RNF150: variants seen among roughly 807,000 people sequenced by gnomAD.
RNF150 encodes ring finger protein 150.
In RNF150, 24 loss-of-function variants were observed where a neutral mutation model predicts 39.3. The ratio of observed to expected loss-of-function variants is 0.61; its 90% confidence interval spans 0.44 to 0.86. The LOEUF (loss-of-function observed/expected upper bound fraction) is 0.86. Ranked by LOEUF, RNF150 falls within the 40% of genes least tolerant of loss-of-function variation. RNF150 has a pLI of 0.00. For synonymous variants in RNF150, 255 were observed against 227.3 expected, an observed-to-expected ratio of 1.12 and a Z score of -1.10; for missense variants, 502 against 587.8, an observed-to-expected ratio of 0.85 and a Z score of 1.51.
chr4:141,035,362 A>G (rs1736100622), intron 1 of RNF150, among the ~76,000 whole-genome samples: 1 of 152,194 alleles, frequency 6.6e-6, no homozygotes. Flanking sequence ...TCACCTTCAC[A>G]GCCTTCAACA....
intron 4 of RNF150, among the ~76,000 whole-genome samples, chr4:140,926,500 CATTAATA>C (rs1443544061): frequency 2.0e-5 from 3 of 152,066 alleles, no homozygotes; most frequent in Non-Finnish European, 4.4e-5. Flanking sequence ...GGCTGATTTC[CATTAATA>C]TTTGGGATCT....
At chr4:141,163,818 C>A (rs772527275) in intron 1 of RNF150, among the ~76,000 whole-genome samples, 7 of 152,060 alleles carry the variant, frequency 4.6e-5, no homozygotes, top group Non-Finnish European at 8.8e-5. Context: ...ACATCAAAGA[C>A]CAAAGGTAGG....
rs1002542299 is a variant in RNF150 at position 141,053,604 on chromosome 4, A to G, written c.484+78721T>C. ...GGAAAGAAAATTGATTAGAAAGTTA[A>G]GGAAGATATCATGGAAGTCATTAAA... On this transcript the variant is annotated intron_variant, in intron 1 of 6. Coordinates refer to ENST00000515673, the MANE Select transcript of RNF150 (RefSeq NM_020724.2). 79 of 740,612 alleles carry G rather than the reference A, an allele frequency of 1.1e-4. No individual in the cohort carries two copies. In the African/African-American group the frequency reaches 1.3e-3, roughly 13 times the overall value. 45.9% of individuals were successfully genotyped at this position (740,612 alleles called of 1,614,324 possible).
intron 2 of RNF150, among the ~76,000 whole-genome samples, chr4:140,958,248 G>C (rs531987630): frequency 6.6e-6 from 1 of 152,108 alleles, no homozygotes; most frequent in African/African-American, 2.4e-5. Flanking sequence ...GGTAGGAGGG[G>C]GGTGCTGGAC....
At position 140,863,205 on chromosome 4, in the gene RNF150, C is replaced by T. The variant is rs1176245671; in HGVS notation, c.*5056G>A. ...TTCCAAGAAATCCTAACCCTGGGGGCTCAGGCGAATGAGGAGGGTCAAATG... is the reference window on the plus strand; with the variant it reads ...TTCCAAGAAATCCTAACCCTGGGGGTTCAGGCGAATGAGGAGGGTCAAATG... On this transcript the variant is annotated 3_prime_UTR_variant, in exon 7 of 7. Coordinates refer to ENST00000515673, the MANE Select transcript of RNF150 (RefSeq NM_020724.2). 6.6e-6 allele frequency: 1 copy of T among 152,146 alleles called. No individual in the cohort carries two copies. The highest frequency in any genetic ancestry group is 1.5e-5 in the Non-Finnish European group (1 of 68,048). 9.4% of individuals were successfully genotyped at this position (152,146 alleles called of 1,614,324 possible). A position where few individuals can be genotyped will look rare whatever the true frequency, so the allele number is the denominator to read the frequency against.
chr4:140,997,810 A>G (rs1380328182), intron 1 of RNF150, among the ~76,000 whole-genome samples: 1 of 150,538 alleles, frequency 6.6e-6, no homozygotes, highest in Non-Finnish European at 1.5e-5. Context: ...GAAGTATGCT[A>G]TATTTATGTA....
At chr4:141,059,716 C>T (rs1737137129) in intron 1 of RNF150, among the ~76,000 whole-genome samples, 1 of 152,042 alleles carries the variant, frequency 6.6e-6, no homozygotes, top group African/African-American at 2.4e-5. Flanking sequence ...TTTAAAGAAT[C>T]TATTTGAGGA....
intron 1 of RNF150, among the ~76,000 whole-genome samples, chr4:141,078,804 AAAAAATATAT>A (rs1425943509): frequency 1.2e-5 from 1 of 83,536 alleles, no homozygotes; most frequent in African/African-American, 4.1e-5. Flanking sequence ...AAAAAAAAAA[AAAAAATATAT>A]ATATATATAT....
chr4:140,918,104 T>A (rs1004814032), intron 5 of RNF150, among the ~76,000 whole-genome samples: 3 of 151,728 alleles, frequency 2.0e-5, no homozygotes, highest in Non-Finnish European at 4.4e-5. Flanking sequence ...GATCCAAAAT[T>A]GACACCCTAA....
Position 140,875,721 on chromosome 4 carries a change from GT to G in RNF150, c.1199-7343del, listed in dbSNP as rs142895042. 1.1e-4 allele frequency among the ~76,000 whole-genome samples: 16 copies of G among 150,320 alleles called. No homozygotes were observed. In the East Asian group the frequency reaches 1.2e-3, roughly 11 times the overall value. On this transcript the variant is annotated intron_variant, in intron 6 of 6. Coordinates refer to ENST00000515673, the MANE Select transcript of RNF150 (RefSeq NM_020724.2). Reference sequence around the variant, plus strand: ...AACAGAATGGCTTGGTTTTGTTTGTGTTTTTTTTTAATGCATATTTTGGTTT... The same window carrying G: ...AACAGAATGGCTTGGTTTTGTTTGTGTTTTTTTTAATGCATATTTTGGTTT...
chr4:141,182,364 C>G (rs569244001), intron 1 of RNF150, among the ~76,000 whole-genome samples: 2 of 34,494 alleles, frequency 5.8e-5, no homozygotes, highest in Non-Finnish European at 1.1e-4. Flanking sequence ...AAAGGGTATT[C>G]AATTAGGAAA....
intron 1 of RNF150, among the ~76,000 whole-genome samples, chr4:141,192,280 C>A (rs1034867665): frequency 6.6e-6 from 1 of 152,078 alleles, no homozygotes; most frequent in African/African-American, 2.4e-5. Context: ...CAGGTGAATG[C>A]CTCAGGCCAG....
intron 1 of RNF150, among the ~76,000 whole-genome samples, chr4:141,206,082 G>C (rs1728370267): frequency 6.6e-6 from 1 of 151,996 alleles, no homozygotes; most frequent in South Asian, 2.1e-4. Context: ...TGCTCTCTTT[G>C]CACTGGCAGT....
upstream of RNF150, among the ~76,000 whole-genome samples, chr4:141,134,493 C>T (rs1258766957): frequency 6.6e-6 from 1 of 152,152 alleles, no homozygotes; most frequent in Non-Finnish European, 1.5e-5. Context: ...TGCCTTTTCC[C>T]CAGGACTTTA....
chr4:140,902,232 A>T (rs1730214234), intron 6 of RNF150, among the ~76,000 whole-genome samples: 1 of 152,212 alleles, frequency 6.6e-6, no homozygotes, highest in African/African-American at 2.4e-5. Context: ...ATGAACAGGG[A>T]TGGTGATTGT....
intron 4 of RNF150, among the ~76,000 whole-genome samples, chr4:140,932,422 T>C (rs187243553): frequency 9.2e-4 from 140 of 152,332 alleles, no homozygotes; most frequent in African/African-American, 3.2e-3. Context: ...TTCTGTCTTA[T>C]GGAAGAGAAG....
chr4:141,198,562 G>T (rs541902237), intron 1 of RNF150, among the ~76,000 whole-genome samples: 3 of 152,344 alleles, frequency 2.0e-5, no homozygotes, highest in Admixed American at 2.0e-4. Context: ...GTTGAATAAT[G>T]AACAGATGAT....
At chr4:141,064,424 G>A (rs887020890) in intron 1 of RNF150, among the ~76,000 whole-genome samples, 3 of 152,048 alleles carry the variant, frequency 2.0e-5, no homozygotes, top group Non-Finnish European at 2.9e-5. Context: ...CTTGAACACC[G>A]CTTGGCTTTT....
chr4:140,926,920 T>C (rs115903559), intron 4 of RNF150, among the ~76,000 whole-genome samples: 331 of 152,336 alleles, frequency 2.2e-3, no homozygotes, highest in African/African-American at 7.3e-3. Context: ...GTTTTAAGTC[T>C]GAGGACTTCC....
Sources: gnomAD v4.1 joint callset for allele counts (sites outside exome capture counted in the v4.1 genomes callset) on GRCh38, gnomAD v4.1.1 for gene constraint, MANE v1.5 for transcripts, NCBI Gene and HGNC (gene_info 2026-07-23, HGNC 2026-07-21) for gene names.